Variants in MYO3B observed in about 807,000 individuals in gnomAD.
The protein encoded by MYO3B is myosin IIIB.
In MYO3B, 156 loss-of-function variants were observed where a neutral mutation model predicts 174.6. The ratio of observed to expected loss-of-function variants is 0.89; its 90% CI spans 0.78 to 1.02. The LOEUF is 1.02. MYO3B is among the 50% of genes least tolerant of loss of function. The pLI, the probability that MYO3B is intolerant of heterozygous loss-of-function variation, is 0.00. For missense variants in MYO3B, 1,632 were observed against 1,639.4 expected (o/e 1.00, Z 0.08); for synonymous variants, 563 against 569.1 (o/e 0.99, Z 0.15).
At chr2:170,276,465 C>A (rs1468184230) in intron 7 of MYO3B, among the ~76,000 whole-genome samples, 1 of 152,144 alleles carries the variant, frequency 6.6e-6, no homozygotes, top group Non-Finnish European at 1.5e-5. Flanking sequence ...ATATAGTATA[C>A]AAACCCTGTA....
intron 32 of MYO3B, among the ~76,000 whole-genome samples, chr2:170,601,149 AACAATACT>A (rs1169496395): frequency 7.1e-6 from 1 of 140,022 alleles, no homozygotes; most frequent in Admixed American, 6.7e-5. Context: ...TGAAAACGAC[AACAATACT>A]AATAAAAAAA....
In MYO3B at chr2:170,223,171, T is replaced by C. The variant is rs1037038194; in HGVS notation, c.603+5776T>C. Among the ~76,000 whole-genome samples, 12 of 152,256 alleles carry C rather than the reference T, an allele frequency of 7.9e-5. 1 individual carries two copies. The highest frequency in any genetic ancestry group is 2.6e-4 in the African/African-American group (11 of 41,554). On this transcript the variant is annotated intron_variant, in intron 6 of 34. Transcript: ENST00000408978. ...TCTCCTGAGATGTTTGGCCAGCTCA[T>C]AGTCACTTCCTTGAACCTTCTCTTT...
chr2:170,650,614 G>A (rs1039218453), intron 32 of MYO3B, among the ~76,000 whole-genome samples: 1 of 148,802 alleles, frequency 6.7e-6, no homozygotes, highest in Non-Finnish European at 1.5e-5. Flanking sequence ...TTCAGATATA[G>A]AGCCAAAAGG....
intron 7 of MYO3B, among the ~76,000 whole-genome samples, chr2:170,271,523 A>G (rs1464704301): frequency 6.6e-6 from 1 of 152,174 alleles, no homozygotes; most frequent in African/African-American, 2.4e-5. Context: ...ATACTTTGAT[A>G]TTTGATGCTT....
chr2:170,485,049 C>T (rs538245409), intron 25 of MYO3B, among the ~76,000 whole-genome samples: 1 of 151,782 alleles, frequency 6.6e-6, no homozygotes, highest in Admixed American at 6.6e-5. Flanking sequence ...CATTGAGGGT[C>T]CTTCAAGGAA....
At chr2:170,306,308 A>G (rs973259214) in intron 7 of MYO3B, among the ~76,000 whole-genome samples, 4 of 152,254 alleles carry the variant, frequency 2.6e-5, no homozygotes, top group Admixed American at 2.0e-4. Context: ...GAGCCTGCCC[A>G]GATTCAAGGA....
At chr2:170,245,060 C>T (rs999186787) in intron 7 of MYO3B, among the ~76,000 whole-genome samples, 9 of 152,102 alleles carry the variant, frequency 5.9e-5, no homozygotes, top group East Asian at 1.9e-4. Flanking sequence ...ACACTGACTG[C>T]GGGAAGTTCT....
At chr2:170,504,948 A>T (rs1397888327) in intron 28 of MYO3B, among the ~76,000 whole-genome samples, 3 of 152,134 alleles carry the variant, frequency 2.0e-5, no homozygotes, top group Non-Finnish European at 4.4e-5. Flanking sequence ...TCAGTGGGTC[A>T]TTTCTTGCCT....
chr2:170,261,013 C>T (rs1043841850), intron 7 of MYO3B, among the ~76,000 whole-genome samples: 3 of 151,990 alleles, frequency 2.0e-5, no homozygotes, highest in African/African-American at 7.2e-5. Context: ...TCTTTTCTTT[C>T]GTTTCTTTTT....
At chr2:170,288,554 TG>T (rs2105411381) in intron 7 of MYO3B, among the ~76,000 whole-genome samples, 1 of 152,228 alleles carries the variant, frequency 6.6e-6, no homozygotes, top group South Asian at 2.1e-4. Flanking sequence ...TGCTGATTTT[TG>T]TGTGTTGATT....
intron 7 of MYO3B, among the ~76,000 whole-genome samples, chr2:170,330,796 C>A (rs1024682680): frequency 5.3e-5 from 8 of 152,202 alleles, no homozygotes; most frequent in Non-Finnish European, 8.8e-5. Flanking sequence ...CAAATCAAGT[C>A]AATACTCCTT....
At chr2:170,182,983 G>A (rs896003451) in intron 1 of MYO3B, among the ~76,000 whole-genome samples, 5 of 151,994 alleles carry the variant, frequency 3.3e-5, no homozygotes, top group African/African-American at 9.7e-5. Context: ...GCGGCTGGGC[G>A]CTGTGGCTCA....
chr2:170,502,152 A>T lies in MYO3B; in HGVS notation c.3370+287A>T, dbSNP rs183510979. 1.1e-4 allele frequency among the ~76,000 whole-genome samples: 16 copies of T among 152,214 alleles called. No homozygotes were observed. In the East Asian group the frequency reaches 2.3e-3, roughly 22 times the overall value. ...AACTGAGGCACTGAGAAGTGAAGGG[A>T]CTTGTCCACCATCACACAGTTCATC... On this transcript the variant is annotated intron_variant, in intron 28 of 34. Coordinates refer to ENST00000408978, the MANE Select transcript of MYO3B (RefSeq NM_138995.5).
chr2:170,619,737 C>CTTTT lies in MYO3B; in HGVS notation c.3734-31867_3734-31864dup, dbSNP rs71412032. ...GATGGCCCATCACTGCTGCCATATT[C>CTTTT]TTTTTTTTTTTTTTTTTTTTTTTTT... is the stretch of plus-strand genomic sequence containing the variant. On this transcript the variant is annotated intron_variant, in intron 32 of 34. Transcript: ENST00000408978. Among the ~76,000 whole-genome samples, 383 of 50,756 alleles carry CTTTT rather than the reference C, an allele frequency of 7.5e-3. 95 individuals carry two copies. Among genetic ancestry groups the CTTTT allele is most frequent in the African/African-American group, 0.029 (355 of 12,054 alleles). The allele number at this position is 50,756 out of a possible 152,430, so 33.3% of individuals were successfully genotyped here. A position where few individuals can be genotyped will look rare whatever the true frequency, so the allele number is the denominator to read the frequency against.
chr2:170,597,660 T>A (rs1055891465), intron 32 of MYO3B, among the ~76,000 whole-genome samples: 1 of 152,176 alleles, frequency 6.6e-6, no homozygotes, highest in African/African-American at 2.4e-5. Flanking sequence ...AAAGAAAAGA[T>A]GGTCTCAGTT....
At chr2:170,570,130 C>T (rs187609760) in intron 32 of MYO3B, among the ~76,000 whole-genome samples, 1 of 152,240 alleles carries the variant, frequency 6.6e-6, no homozygotes, top group East Asian at 1.9e-4. Flanking sequence ...ACTGAGATGC[C>T]AGAACTATTG....
At chr2:170,394,774 G>A (rs1415501989) in intron 16 of MYO3B, among the ~76,000 whole-genome samples, 1 of 152,198 alleles carries the variant, frequency 6.6e-6, no homozygotes, top group Non-Finnish European at 1.5e-5. Context: ...TATCTCTGCT[G>A]ACAACCTGTT....
In MYO3B at chr2:170,405,601, C is replaced by G; in HGVS notation, c.2488C>G (p.Leu830Val). 1.2e-6 allele frequency: 2 copies of G among 1,614,176 alleles called. No homozygotes were observed. Among genetic ancestry groups the G allele is most frequent in the Non-Finnish European group, 1.7e-6 (2 of 1,180,008 alleles). ...CTTCTGGAGGCCCAAAGGAGTGGAACTGTGCTTTGGCATTCAGCATTATGC... is the reference window on the plus strand; with the variant it reads ...CTTCTGGAGGCCCAAAGGAGTGGAAGTGTGCTTTGGCATTCAGCATTATGC... Reference protein sequence around the residue: ...KYFWRPKGVELCFGIQHYAGK... With the variant: ...KYFWRPKGVEVCFGIQHYAGK... Residue 830 changes from leucine to valine, a missense_variant, in exon 21 of 35, where the codon CTG becomes GTG. Physicochemically the swap from Leu to Val is conservative, Grantham distance 32 (BLOSUM62 1). Transcript: ENST00000408978.
chr2:170,543,166 G>C (rs1005300488), intron 31 of MYO3B, among the ~76,000 whole-genome samples, 200 bp downstream of exon 31: 4 of 152,148 alleles, frequency 2.6e-5, no homozygotes, highest in African/African-American at 9.7e-5. Flanking sequence ...AGGTACAGGG[G>C]AGAGAGAATC....
Sources: gnomAD v4.1 joint callset for allele counts (sites outside exome capture counted in the v4.1 genomes callset) on GRCh38, gnomAD v4.1.1 for gene constraint, MANE v1.5 for transcripts, NCBI Gene and HGNC (gene_info 2026-07-23, HGNC 2026-07-21) for gene names.